Variants in CLEC19A observed in about 807,000 individuals in gnomAD.
CLEC19A encodes the protein C-type lectin domain family 19 member A.
A neutral mutation model predicts 26.1 loss-of-function variants in CLEC19A; 21 were observed. That is an observed-to-expected ratio of 0.80 (90% CI 0.57 to 1.16). The LOEUF is 1.16. Among genes scored for constraint, CLEC19A ranks in the 50% most tolerant of loss-of-function variants. CLEC19A has a pLI of 0.00. For synonymous variants in CLEC19A, 89 were observed against 88.6 expected (o/e 1.00, Z -0.03); for missense variants, 224 against 227.6 (o/e 0.98, Z 0.10).
At position 19,308,094 on chromosome 16, in the gene CLEC19A, G is replaced by A. The variant is rs74011582; in HGVS notation, c.481+417G>A. On this transcript the variant is annotated intron_variant, in intron 4 of 4. Coordinates refer to ENST00000636231, the MANE Select transcript of CLEC19A (RefSeq NM_001256720.2). ...CATGAGGGTGTGGGTAGTGAGAAGA[G>A]TATAGACTTGAATTCAAATTCTGGC... 4.2e-3 allele frequency among the ~76,000 whole-genome samples: 639 copies of A among 152,300 alleles called. 7 individuals are homozygous for A. Among genetic ancestry groups the A allele is most frequent in the African/African-American group, 0.015 (603 of 41,564 alleles).
chr16:19,304,059 C>T lies in CLEC19A; in HGVS notation c.255-3C>T. On this transcript the variant is annotated splice_polypyrimidine_tract_variant and splice_region_variant and intron_variant, in intron 2 of 4. Transcript: ENST00000636231. ...TCAGCTACTATTATTCTTAAATTCG[C>T]AGCTGGGAGGAGAATGTCTTTGTAT... 1 of 1,546,544 alleles carries T rather than the reference C, an allele frequency of 6.5e-7. No homozygotes were observed. The highest frequency in any genetic ancestry group is 8.7e-7 in the Non-Finnish European group (1 of 1,144,036).
At chr16:19,296,191 T>C (rs146700561) in intron 1 of CLEC19A, among the ~76,000 whole-genome samples, 6 of 152,244 alleles carry the variant, frequency 3.9e-5, no homozygotes, top group Non-Finnish European at 8.8e-5. Flanking sequence ...GCACAGCCGC[T>C]GGGGTTGGGG....
At chr16:19,290,140 G>C (rs779099676) in intron 1 of CLEC19A, among the ~76,000 whole-genome samples, 4 of 152,038 alleles carry the variant, frequency 2.6e-5, no homozygotes, top group South Asian at 2.1e-4. Context: ...AGTGGGGGTG[G>C]GGGGGAGCCC....
intron 1 of CLEC19A, among the ~76,000 whole-genome samples, chr16:19,287,010 T>C (rs1304678816): frequency 6.7e-6 from 1 of 150,216 alleles, no homozygotes; most frequent in African/African-American, 2.5e-5. Context: ...CAAATTTAAC[T>C]AGGTATCCTT....
chr16:19,307,778 C>A, intron 4 of CLEC19A, 101 bp downstream of exon 4: 1 of 1,458,864 alleles, frequency 6.9e-7, no homozygotes, highest in Non-Finnish European at 9.2e-7. Flanking sequence ...CACCTGATGG[C>A]CTGAGACTGG....
chr16:19,301,750 T>G (rs1259059014), intron 2 of CLEC19A, among the ~76,000 whole-genome samples: 22 of 130,194 alleles, frequency 1.7e-4, no homozygotes, highest in African/African-American at 5.7e-4. Context: ...TTTTTTTTTT[T>G]TTTTTTTTTT....
At chr16:19,306,423 A>G (rs1897956233) in intron 3 of CLEC19A, among the ~76,000 whole-genome samples, 2 of 152,174 alleles carry the variant, frequency 1.3e-5, no homozygotes, top group African/African-American at 2.4e-5. Context: ...CTGGGATTAC[A>G]GGCATGAGCC....
chr16:19,305,609 C>T (rs1016935568), intron 3 of CLEC19A, among the ~76,000 whole-genome samples: 1 of 152,130 alleles, frequency 6.6e-6, no homozygotes, highest in Non-Finnish European at 1.5e-5. Flanking sequence ...TGGCAGGTGA[C>T]TTTGTGCAAA....
rs987473099 is a variant in CLEC19A, at chr16:19,309,202, G to C, written c.*119G>C. 1.2e-5 allele frequency: 9 copies of C among 749,956 alleles called. No individual in the cohort carries two copies. In the Admixed American group the frequency reaches 2.1e-4, roughly 18 times the overall value. 46.5% of individuals were successfully genotyped at this position (749,956 alleles called of 1,614,324 possible). ...ATAGGAAGTAAATCTCTTGGACAGA[G>C]ATTTTAAACAAGCAGATCTTAATTA... On this transcript the variant is annotated 3_prime_UTR_variant, in exon 5 of 5. Transcript: ENST00000636231.
At chr16:19,288,249 A>G (rs1597077872) in intron 1 of CLEC19A, among the ~76,000 whole-genome samples, 1 of 152,200 alleles carries the variant, frequency 6.6e-6, no homozygotes, top group East Asian at 1.9e-4. Context: ...AAGTGATTTC[A>G]ACACAGAGGG....
At chr16:19,302,633 T>A (rs1250917012) in intron 2 of CLEC19A, among the ~76,000 whole-genome samples, 1 of 152,238 alleles carries the variant, frequency 6.6e-6, no homozygotes, top group African/African-American at 2.4e-5. Context: ...ATAGTGGGAA[T>A]CATTTTTTTC....
chr16:19,309,379 G>A lies in CLEC19A; in HGVS notation c.*296G>A, dbSNP rs78529313. 4,340 of 291,128 alleles carry A rather than the reference G, an allele frequency of 0.015. 175 individuals are homozygous for A. The highest frequency in any genetic ancestry group is 0.091 in the African/African-American group (4,009 of 43,974). 18.0% of individuals were successfully genotyped at this position (291,128 alleles called of 1,614,324 possible). ...ATCTCACTGGCCTGGCTCGGGTCAC[G>A]TGCCCATCCCTGAAGCAATCACTTT... On this transcript the variant is annotated 3_prime_UTR_variant, in exon 5 of 5. Coordinates refer to ENST00000636231, the MANE Select transcript of CLEC19A (RefSeq NM_001256720.2).
At chr16:19,303,739 G>A (rs1274331411) in intron 2 of CLEC19A, 4 of 220,552 alleles carry the variant, frequency 1.8e-5, no homozygotes, top group Non-Finnish European at 3.7e-5. Flanking sequence ...TGTATGCAAT[G>A]CAATGTAAAC....
intron 2 of CLEC19A, among the ~76,000 whole-genome samples, chr16:19,301,016 G>A (rs1897807631): frequency 6.6e-6 from 1 of 152,144 alleles, no homozygotes; most frequent in Non-Finnish European, 1.5e-5. Context: ...CATTCTTCAG[G>A]GATCAAATCT....
At chr16:19,293,399 C>T (rs1897631674) in intron 1 of CLEC19A, among the ~76,000 whole-genome samples, 1 of 152,086 alleles carries the variant, frequency 6.6e-6, no homozygotes, top group Non-Finnish European at 1.5e-5. Flanking sequence ...TCAGGGGAAA[C>T]TGGGTGAACG....
chr16:19,290,216 C>A (rs2143008612), intron 1 of CLEC19A, among the ~76,000 whole-genome samples: 1 of 152,170 alleles, frequency 6.6e-6, no homozygotes, highest in South Asian at 2.1e-4. Flanking sequence ...TGACCCCCCA[C>A]CCCAGCTGGG....
intron 3 of CLEC19A, 92 bp downstream of exon 3, chr16:19,304,247 G>A (rs756466573): frequency 6.4e-5 from 65 of 1,018,162 alleles, no homozygotes; most frequent in Non-Finnish European, 5.7e-5. Flanking sequence ...GCCAGGTCAC[G>A]GCTATGCACA....
At chr16:19,303,835 G>C in intron 2 of CLEC19A, 1 of 425,150 alleles carries the variant, frequency 2.4e-6, no homozygotes, top group Non-Finnish European at 4.3e-6. Flanking sequence ...TTTTAGGGAT[G>C]AGTAGCAGTA....
Position 19,309,130 on chromosome 16 carries a change from T to TG in CLEC19A, c.*47_*48insG. The TG allele has an allele frequency of 7.3e-7, 1 of 1,370,658 alleles. No individual in the cohort carries two copies. The highest frequency in any genetic ancestry group is 1.0e-6 in the Non-Finnish European group (1 of 984,690). The allele number at this position is 1,370,658 out of a possible 1,614,324, so 84.9% of individuals were successfully genotyped here. ...TGAGCTCAACTCTAGTATCATCTTG[T>TG]AGCTGTAACCAGTGTAGAATTGACA... is the stretch of plus-strand genomic sequence containing the variant. On this transcript the variant is annotated 3_prime_UTR_variant, in exon 5 of 5. Transcript: ENST00000636231.
Sources: allele counts gnomAD v4.1 joint callset (sites outside exome capture counted in the v4.1 genomes callset), GRCh38; gene constraint gnomAD v4.1.1; transcripts MANE v1.5; gene names NCBI Gene and HGNC (gene_info 2026-07-23, HGNC 2026-07-21).